Variants in NRXN3 observed in about 807,000 individuals in gnomAD.
NRXN3 encodes neurexin 3.
NRXN3 carries 32 observed loss-of-function variants against 137.6 expected under a neutral mutation model. The observed-to-expected ratio is 0.23, with a 90% CI of 0.18 to 0.31. The LOEUF (loss-of-function observed/expected upper bound fraction) is 0.31. Ranked by LOEUF, NRXN3 falls within the 10% of genes least tolerant of loss-of-function variation. The pLI is 1.00. For synonymous variants in NRXN3, 798 were observed against 784.5 expected, an observed-to-expected ratio of 1.02 and a Z score of -0.29; for missense variants, 1,574 against 2,062.5, an observed-to-expected ratio of 0.76 and a Z score of 4.59.
chr14:78,463,145 C>T (rs1330738922), intron 4 of NRXN3, among the ~76,000 whole-genome samples: 1 of 152,126 alleles, frequency 6.6e-6, no homozygotes, highest in African/African-American at 2.4e-5. Context: ...AAATGGTCTC[C>T]AGTGCCATCT....
At chr14:78,739,729 G>A (rs1238567373) in intron 8 of NRXN3, among the ~76,000 whole-genome samples, 1 of 152,038 alleles carries the variant, frequency 6.6e-6, no homozygotes, top group Non-Finnish European at 1.5e-5. Context: ...TGTTGGGATT[G>A]CAGGTGTGAG....
chr14:78,772,644 A>G (rs998986389), intron 8 of NRXN3, among the ~76,000 whole-genome samples: 1 of 152,300 alleles, frequency 6.6e-6, no homozygotes, highest in East Asian at 1.9e-4. Context: ...CACACAAATC[A>G]TCTGGGGATT....
intron 4 of NRXN3, among the ~76,000 whole-genome samples, chr14:78,520,720 C>T (rs1566620920): frequency 1.3e-5 from 2 of 152,236 alleles, no homozygotes; most frequent in South Asian, 4.2e-4. Context: ...CAAATATTCT[C>T]ATGTTTGTGA....
chr14:79,193,906 A>G (rs1270858359), intron 15 of NRXN3, among the ~76,000 whole-genome samples: 2 of 152,242 alleles, frequency 1.3e-5, no homozygotes, highest in African/African-American at 2.4e-5. Context: ...TTATTCTAAG[A>G]CTGCAATGTT....
chr14:79,355,227 C>A (rs2093375080), intron 15 of NRXN3, among the ~76,000 whole-genome samples: 3 of 151,852 alleles, frequency 2.0e-5, no homozygotes, highest in Admixed American at 1.3e-4. Context: ...TGCTGCTACT[C>A]CTCCTATTCC....
At chr14:79,168,290 C>T (rs1257763751) in intron 15 of NRXN3, among the ~76,000 whole-genome samples, 2 of 152,018 alleles carry the variant, frequency 1.3e-5, no homozygotes, top group African/African-American at 4.8e-5. Context: ...ATCTACTTGA[C>T]CCAGCAAAAC....
At chr14:79,740,739 T>C (rs1247495308) in intron 19 of NRXN3, among the ~76,000 whole-genome samples, 2 of 43,448 alleles carry the variant, frequency 4.6e-5, no homozygotes, top group Non-Finnish European at 1.0e-4. Context: ...TATATATATA[T>C]ATATATATAT....
At chr14:79,590,055 CT>C (rs113941556) in intron 16 of NRXN3, among the ~76,000 whole-genome samples, 7 of 151,806 alleles carry the variant, frequency 4.6e-5, no homozygotes, top group Middle Eastern at 3.2e-3. Flanking sequence ...GTCATGTTTT[CT>C]TTTTTTCCCC....
chr14:78,507,469 G>T (rs1008598845), intron 4 of NRXN3, among the ~76,000 whole-genome samples: 2 of 152,150 alleles, frequency 1.3e-5, no homozygotes, highest in African/African-American at 2.4e-5. Context: ...TTCTCCAAAG[G>T]TTAGTCCCAC....
At chr14:79,289,470 A>T (rs957723156) in intron 15 of NRXN3, among the ~76,000 whole-genome samples, 1 of 152,158 alleles carries the variant, frequency 6.6e-6, no homozygotes, top group Non-Finnish European at 1.5e-5. Flanking sequence ...AAATAAAAAA[A>T]TTAGCTGGGC....
intron 19 of NRXN3, among the ~76,000 whole-genome samples, chr14:79,763,510 C>CAGAT (rs2099045939): frequency 6.6e-6 from 1 of 151,512 alleles, no homozygotes; most frequent in Admixed American, 6.6e-5. Flanking sequence ...GTTTCAAAGG[C>CAGAT]AGATAGCTAT....
At chr14:78,731,656 TC>T (rs1435306116) in intron 8 of NRXN3, among the ~76,000 whole-genome samples, 4 of 151,558 alleles carry the variant, frequency 2.6e-5, no homozygotes, top group Non-Finnish European at 5.9e-5. Context: ...TGTATTCTAT[TC>T]TTGAATATAT....
At chr14:78,573,606 G>A (rs533810561) in intron 4 of NRXN3, among the ~76,000 whole-genome samples, 1 of 152,316 alleles carries the variant, frequency 6.6e-6, no homozygotes, top group South Asian at 2.1e-4. Flanking sequence ...AAGGTATCTG[G>A]TGGAAGAAAT....
intron 19 of NRXN3, among the ~76,000 whole-genome samples, chr14:79,710,383 G>A (rs1052306236): frequency 6.6e-6 from 1 of 152,136 alleles, no homozygotes; most frequent in African/African-American, 2.4e-5. Flanking sequence ...TTTATGTGTT[G>A]TATAAACCAC....
intron 4 of NRXN3, among the ~76,000 whole-genome samples, chr14:78,399,360 A>G (rs1357080680): frequency 6.6e-6 from 1 of 152,244 alleles, no homozygotes; most frequent in Non-Finnish European, 1.5e-5. Context: ...AGAAACAAGC[A>G]TGTATACTCT....
At chr14:78,897,735 T>G (rs900203941) in intron 10 of NRXN3, among the ~76,000 whole-genome samples, 12 of 151,948 alleles carry the variant, frequency 7.9e-5, no homozygotes, top group African/African-American at 2.7e-4. Flanking sequence ...CTTCCTTTCT[T>G]GCACCTATAA....
chr14:78,510,010 T>C (rs761450443), intron 4 of NRXN3, among the ~76,000 whole-genome samples: 10 of 147,686 alleles, frequency 6.8e-5, no homozygotes, highest in Non-Finnish European at 4.4e-5. Flanking sequence ...GTTTTCTGAA[T>C]GTCCAAGGCA....
chr14:78,335,832 T>C (rs1442061249), intron 4 of NRXN3, among the ~76,000 whole-genome samples: 2 of 152,134 alleles, frequency 1.3e-5, no homozygotes, highest in Non-Finnish European at 2.9e-5. Flanking sequence ...TGGGAACTGC[T>C]GGGGAAGGCA....
At chr14:78,607,810 C>T (rs1335323145) in intron 4 of NRXN3, among the ~76,000 whole-genome samples, 4 of 152,014 alleles carry the variant, frequency 2.6e-5, no homozygotes. Context: ...GCAGTCTATC[C>T]CTCTTACATC....
Sources: gnomAD v4.1 joint callset for allele counts (sites outside exome capture counted in the v4.1 genomes callset) on GRCh38, gnomAD v4.1.1 for gene constraint, MANE v1.5 for transcripts, NCBI Gene and HGNC (gene_info 2026-07-23, HGNC 2026-07-21) for gene names.